The following EIF2AK1 variants were observed in gnomAD, a reference collection of about 807,000 sequenced individuals.
The protein encoded by EIF2AK1 is eukaryotic translation initiation factor 2-alpha kinase 1.
In EIF2AK1, 54 loss-of-function variants were observed where a neutral mutation model predicts 77.9. The ratio of observed to expected loss-of-function variants is 0.69; its 90% CI spans 0.56 to 0.87. The LOEUF is 0.87. EIF2AK1 is among the 40% of genes least tolerant of loss of function. The pLI is 0.00. For synonymous variants in EIF2AK1, 314 were observed against 290.5 expected, an observed-to-expected ratio of 1.08 and a Z score of -0.82; for missense variants, 810 against 768.6, an observed-to-expected ratio of 1.05 and a Z score of -0.64.
chr7:6,023,762 G>T lies in EIF2AK1; in HGVS notation c.*911C>A. The T allele has an allele frequency of 6.2e-7, 1 of 1,610,194 alleles. No homozygotes were observed. The highest frequency in any genetic ancestry group is 2.2e-5 in the East Asian group (1 of 44,856). On this transcript the variant is annotated 3_prime_UTR_variant, in exon 15 of 15. Transcript: ENST00000199389. The stretch of plus-strand genomic sequence containing the variant: ...TCTTTCATGCCTATTATCAGTAAGG[G>T]GACTTGTATTAGAGTCAGAGTCTTT...
chr7:6,051,963 G>A (rs999945238), intron 2 of EIF2AK1, among the ~76,000 whole-genome samples: 2 of 151,884 alleles, frequency 1.3e-5, no homozygotes, highest in Non-Finnish European at 2.9e-5. Context: ...ATGAGGTCAC[G>A]AGATCGAGAT....
chr7:6,023,786 T>A lies in EIF2AK1; in HGVS notation c.*887A>T. ...GGGACTTGTATTAGAGTCAGAGTCT[T>A]TTTATTTAGGCCAGTTGTCAAGTGT... On this transcript the variant is annotated 3_prime_UTR_variant, in exon 15 of 15. Coordinates refer to ENST00000199389, the MANE Select transcript of EIF2AK1 (RefSeq NM_014413.4). The A allele has an allele frequency of 6.3e-7, 1 of 1,599,178 alleles. No individual in the cohort carries two copies. Among genetic ancestry groups the A allele is most frequent in the South Asian group, 1.1e-5 (1 of 88,974 alleles).
At chr7:6,042,539 C>T (rs1327626831) in intron 8 of EIF2AK1, among the ~76,000 whole-genome samples, 7 of 151,706 alleles carry the variant, frequency 4.6e-5, no homozygotes, top group Middle Eastern at 3.4e-3. Flanking sequence ...GTCTAAAACA[C>T]TCCTCCTGAG....
chr7:6,039,980 G>T (rs986901620), intron 9 of EIF2AK1, among the ~76,000 whole-genome samples: 2 of 152,128 alleles, frequency 1.3e-5, no homozygotes, highest in African/African-American at 2.4e-5. Context: ...TCCGTGACAA[G>T]AATTAATTCT....
intron 8 of EIF2AK1, among the ~76,000 whole-genome samples, chr7:6,042,344 G>A (rs1313303770): frequency 6.6e-6 from 1 of 151,830 alleles, no homozygotes; most frequent in African/African-American, 2.4e-5. Flanking sequence ...CCAGCTTCTA[G>A]GGAGGCTAAG....
chr7:6,048,706 A>T, intron 4 of EIF2AK1, 101 bp downstream of exon 4: 1 of 985,584 alleles, frequency 1.0e-6, no homozygotes, highest in East Asian at 2.7e-5. Flanking sequence ...AATGTTCATA[A>T]ATAATACTAA....
chr7:6,049,796 G>A (rs553221061), intron 3 of EIF2AK1, 116 bp downstream of exon 3: 19 of 1,072,142 alleles, frequency 1.8e-5, no homozygotes, highest in Non-Finnish European at 2.4e-5. Flanking sequence ...CTGGCCTAGA[G>A]TTTATACTTT....
Position 6,032,754 on chromosome 7 carries a change from A to G in EIF2AK1, c.1333-3722T>C. The G allele has an allele frequency of 9.0e-7, 1 of 1,109,892 alleles. No homozygotes were observed. The highest frequency in any genetic ancestry group is 1.3e-6 in the Non-Finnish European group (1 of 760,946). 68.8% of individuals were successfully genotyped at this position (1,109,892 alleles called of 1,614,324 possible). On this transcript the variant is annotated intron_variant, in intron 11 of 14. Coordinates refer to ENST00000199389, the MANE Select transcript of EIF2AK1 (RefSeq NM_014413.4). This position sits in a 1 kb window ranked among gnomAD's most constrained non-coding sequence, Gnocchi z 4.3. ...AGCCAATGAGACACTAAATAAATGT[A>G]TTGCCTTTGAAACGGCAAGCTAACA...
At chr7:6,042,870 A>C in intron 8 of EIF2AK1, 63 bp downstream of exon 8, 1 of 1,482,180 alleles carries the variant, frequency 6.7e-7, no homozygotes, top group Non-Finnish European at 9.3e-7. Flanking sequence ...TGTCGCCAAA[A>C]AAAAGAACAA....
At position 6,033,386 on chromosome 7, in the gene EIF2AK1, A is replaced by C. The variant is rs918697317; in HGVS notation, c.1332+4038T>G. On this transcript the variant is annotated intron_variant, in intron 11 of 14. Transcript: ENST00000199389. The surrounding 1 kb of genome is among the most constrained non-coding windows in gnomAD (Gnocchi z 4.4). ...TTCTTATGAATGAACCAATGTCTTTACTGAGTAGATGAGATACTCTGAAAA... is the reference window on the plus strand; with the variant it reads ...TTCTTATGAATGAACCAATGTCTTTCCTGAGTAGATGAGATACTCTGAAAA... Among the ~76,000 whole-genome samples the C allele has an allele frequency of 6.6e-6, 1 of 152,106 alleles. No individual in the cohort carries two copies. Among genetic ancestry groups the C allele is most frequent in the African/African-American group, 2.4e-5 (1 of 41,408 alleles).
At chr7:6,048,993 C>A in intron 3 of EIF2AK1, 149 bp from the exon 4 acceptor site, 1 of 580,634 alleles carries the variant, frequency 1.7e-6, no homozygotes, top group Non-Finnish European at 3.0e-6. Flanking sequence ...TAAGAGTTTA[C>A]AACTGAAAAT....
intron 14 of EIF2AK1, 111 bp downstream of exon 14, chr7:6,026,617 T>C: frequency 1.2e-6 from 1 of 831,926 alleles, no homozygotes; most frequent in South Asian, 1.4e-5. Flanking sequence ...AGAACCATCA[T>C]CTGGCTCTTC....
rs938638465 is a variant in EIF2AK1, at chr7:6,024,483, T to C, written c.*190A>G. ...TCAGAGACTAGGCATATGGTTAATATTTAGGTAGGAAATTCAGGAAAAGGA... is the reference window on the plus strand; with the variant it reads ...TCAGAGACTAGGCATATGGTTAATACTTAGGTAGGAAATTCAGGAAAAGGA... On this transcript the variant is annotated 3_prime_UTR_variant, in exon 15 of 15. Coordinates refer to ENST00000199389, the MANE Select transcript of EIF2AK1 (RefSeq NM_014413.4). The C allele has an allele frequency of 7.0e-7, 1 of 1,418,838 alleles. No homozygotes were observed. Among genetic ancestry groups the C allele is most frequent in the Non-Finnish European group, 9.1e-7 (1 of 1,093,204 alleles). The allele number at this position is 1,418,838 out of a possible 1,614,324, so 87.9% of individuals were successfully genotyped here. A position where few individuals can be genotyped will look rare whatever the true frequency, so the allele number is the denominator to read the frequency against.
At chr7:6,037,847 C>T (rs1467944148) in intron 10 of EIF2AK1, among the ~76,000 whole-genome samples, 5 of 151,436 alleles carry the variant, frequency 3.3e-5, no homozygotes, top group South Asian at 2.1e-4. Context: ...CAACTAGAGT[C>T]GATAAAGTTT....
chr7:6,054,804 G>T, intron 1 of EIF2AK1, 100 bp from the exon 2 acceptor site: 2 of 1,242,090 alleles, frequency 1.6e-6, no homozygotes, highest in Non-Finnish European at 2.2e-6. Flanking sequence ...ATATTTAAAT[G>T]TAAGCAGATA....
chr7:6,056,459 T>G (rs1035516593), intron 1 of EIF2AK1, among the ~76,000 whole-genome samples: 35 of 149,856 alleles, frequency 2.3e-4, no homozygotes, highest in Non-Finnish European at 3.7e-4. Context: ...CTGGGTGTGG[T>G]GGCAGACGCC....
chr7:6,050,782 T>C (rs1330843465), intron 2 of EIF2AK1, among the ~76,000 whole-genome samples: 1 of 151,776 alleles, frequency 6.6e-6, no homozygotes, highest in Non-Finnish European at 1.5e-5. Context: ...TTTTTGTATA[T>C]TTAGTAGAGA....
chr7:6,048,849 A>G lies in EIF2AK1; in HGVS notation c.412-5T>C, dbSNP rs1788517464. ...AGAAATATCCTCACAAGGATCCTAC[A>G]ATTAAAAAATTGTTTTTAAAAAGCA... On this transcript the variant is annotated splice_polypyrimidine_tract_variant and splice_region_variant and intron_variant, in intron 3 of 14. Coordinates refer to ENST00000199389, the MANE Select transcript of EIF2AK1 (RefSeq NM_014413.4). 1 of 1,573,724 alleles carries G rather than the reference A, an allele frequency of 6.4e-7. No individual in the cohort carries two copies. Among genetic ancestry groups the G allele is most frequent in the African/African-American group, 1.4e-5 (1 of 72,682 alleles).
At chr7:6,037,375 C>T (rs1365077426) in intron 11 of EIF2AK1, 49 bp downstream of exon 11, 1 of 1,264,082 alleles carries the variant, frequency 7.9e-7, no homozygotes, top group Admixed American at 1.8e-5. Context: ...CAAGTCGTCC[C>T]TGATACAAAG....
Sources: gnomAD v4.1 joint callset for allele counts (sites outside exome capture counted in the v4.1 genomes callset) on GRCh38, gnomAD v4.1.1 for gene constraint, Gnocchi (gnomAD v3.1) non-coding constraint, MANE v1.5 for transcripts, NCBI Gene and HGNC (gene_info 2026-07-23, HGNC 2026-07-21) for gene names.